TP63: variants seen among roughly 807,000 people sequenced by gnomAD.
The protein encoded by TP63 is tumor protein p63, also known as tumor protein 63.
TP63 carries 17 observed loss-of-function variants against 82.8 expected under a neutral mutation model. The observed-to-expected ratio is 0.21, with a 90% CI of 0.14 to 0.31. The LOEUF (loss-of-function observed/expected upper bound fraction) is 0.31, where lower values mean the gene tolerates loss of function less well. Ranked by LOEUF, TP63 falls within the 10% of genes least tolerant of loss-of-function variation. The pLI is 1.00. For synonymous variants in TP63, 330 were observed against 321.7 expected (o/e 1.03, Z -0.28); for missense variants, 648 against 895.3 (o/e 0.72, Z 3.52).
chr3:189,648,775 G>C (rs1190899445), intron 1 of TP63, among the ~76,000 whole-genome samples: 1 of 146,764 alleles, frequency 6.8e-6, no homozygotes, highest in Non-Finnish European at 1.5e-5. Context: ...TATCTTGTTT[G>C]CTCAAATCCC....
At chr3:189,872,083 A>T (rs535488612) in intron 9 of TP63, among the ~76,000 whole-genome samples, 1 of 152,310 alleles carries the variant, frequency 6.6e-6, no homozygotes, top group East Asian at 1.9e-4. Flanking sequence ...AGAGAAACAT[A>T]TTTTATCCCA....
At chr3:189,652,558 T>C (rs1443831571) in intron 1 of TP63, among the ~76,000 whole-genome samples, 2 of 147,064 alleles carry the variant, frequency 1.4e-5, no homozygotes, top group African/African-American at 5.1e-5. Context: ...TTTGGGTTAA[T>C]GCTAGAATGA....
rs753231377 is a variant in TP63 at position 189,659,962 on chromosome 3, A to G, written c.62+28385A>G. ...AGATTCTAGATACTAGACCATTGCC[A>G]TATATATAGTCTGTGAATATTTTCT... On this transcript the variant is annotated intron_variant, in intron 1 of 13. Coordinates refer to ENST00000264731, the MANE Select transcript of TP63 (RefSeq NM_003722.5). 2.0e-5 allele frequency among the ~76,000 whole-genome samples: 3 copies of G among 152,092 alleles called. No homozygotes were observed. In the South Asian group the frequency reaches 6.2e-4, roughly 32 times the overall value.
chr3:189,651,545 C>CAA (rs71173298), intron 1 of TP63, among the ~76,000 whole-genome samples: 1 of 118,448 alleles, frequency 8.4e-6, no homozygotes. Context: ...GATTCCATAT[C>CAA]AAAAAAAAAA....
In TP63 at chr3:189,645,134, G is replaced by A. The variant is rs538976939; in HGVS notation, c.62+13557G>A. 5.9e-5 allele frequency among the ~76,000 whole-genome samples: 9 copies of A among 152,230 alleles called. No homozygotes were observed. The South Asian group carries it at 1.9e-3, about 32-fold the overall frequency. ...GATTAGTTTCCACAAGTACTAAGTT[G>A]AATTTCCTTTTATTTGTCCTAAAAT... On this transcript the variant is annotated intron_variant, in intron 1 of 13. Transcript: ENST00000264731.
At chr3:189,810,536 C>T (rs1280358280) in intron 4 of TP63, among the ~76,000 whole-genome samples, 1 of 152,068 alleles carries the variant, frequency 6.6e-6, no homozygotes, top group Non-Finnish European at 1.5e-5. Flanking sequence ...TTATCCTTCC[C>T]TGTCCCTTCC....
At chr3:189,625,588 T>C in the TP63 span, among the ~76,000 whole-genome samples, 1 of 152,208 alleles carries the variant, frequency 6.6e-6, no homozygotes, top group African/African-American at 2.4e-5. Flanking sequence ...ATTTTTTAAT[T>C]TCAATAATTG....
Position 189,713,938 on chromosome 3 carries a change from C to T in TP63, c.63-23802C>T, listed in dbSNP as rs529237307. Among the ~76,000 whole-genome samples, 8 of 152,110 alleles carry T rather than the reference C, an allele frequency of 5.3e-5. No homozygotes were observed. In the South Asian group the frequency reaches 1.5e-3, roughly 28 times the overall value. On this transcript the variant is annotated intron_variant, in intron 1 of 13. Transcript: ENST00000264731. ...ATGATCAAGTGAAAAATTTTTTGTTCAGTATGGAAAGAGTGATTAAAACCT... is the reference window on the plus strand; with the variant it reads ...ATGATCAAGTGAAAAATTTTTTGTTTAGTATGGAAAGAGTGATTAAAACCT...
intron 4 of TP63, chr3:189,844,136 A>C (rs1315063928): frequency 3.0e-6 from 1 of 336,998 alleles, no homozygotes; most frequent in East Asian, 9.1e-5. Flanking sequence ...TAGGATGGAT[A>C]TATTAAAAGC....
intron 4 of TP63, among the ~76,000 whole-genome samples, chr3:189,851,926 G>A (rs1216550500): frequency 1.3e-5 from 2 of 152,150 alleles, no homozygotes; most frequent in Non-Finnish European, 2.9e-5. Context: ...GGGAGTATCT[G>A]GTGAGGAGGA....
chr3:189,855,195 T>C (rs1716134295), intron 4 of TP63, among the ~76,000 whole-genome samples: 2 of 152,050 alleles, frequency 1.3e-5, no homozygotes, highest in African/African-American at 2.4e-5. Flanking sequence ...AAAAATACAA[T>C]TGAAGAACAA....
chr3:189,692,356 CTTCT>C (rs1717000648), intron 1 of TP63, among the ~76,000 whole-genome samples: 1 of 151,454 alleles, frequency 6.6e-6, no homozygotes, highest in Admixed American at 6.6e-5. Flanking sequence ...CTTTTCATCC[CTTCT>C]TTATTTCTTT....
Position 189,867,861 on chromosome 3 carries a change from A to G in TP63, c.911A>G (p.Tyr304Cys). 6.2e-7 allele frequency: 1 copy of G among 1,614,116 alleles called. No homozygotes were observed. The highest frequency in any genetic ancestry group is 8.5e-7 in the Non-Finnish European group (1 of 1,179,972). The change falls in exon 7 of 14, where the codon TAC (tyrosine) becomes TGC (cysteine). Residue 304 changes from tyrosine to cysteine, a missense_variant. Around this residue, in one of 5 missense-constraint regions of TP63, gnomAD observed 30 missense variants for 85.4 expected, o/e 0.35. Transcript: ENST00000264731. ...QVGTEFTTVL[Y>C]NFMCNSSCVG... The stretch of plus-strand genomic sequence containing the variant: ...GGCACTGAATTCACGACAGTCTTGT[A>G]CAATTTCATGTGTAACAGCAGTTGT...
At position 189,639,813 on chromosome 3, in the gene TP63, T is replaced by C. The variant is rs13314271; in HGVS notation, c.62+8236T>C. ...TTTTTAAACAGATGTTGATTTATCA[T>C]GGGAATAAATAATAGAACATATACA... is the stretch of plus-strand genomic sequence containing the variant. On this transcript the variant is annotated intron_variant, in intron 1 of 13. Coordinates refer to ENST00000264731, the MANE Select transcript of TP63 (RefSeq NM_003722.5). 0.45 allele frequency among the ~76,000 whole-genome samples: 67,964 copies of C among 151,912 alleles called. 15,807 individuals carry two copies. Among genetic ancestry groups the C allele is most frequent in the East Asian group, 0.51 (2,610 of 5,154 alleles).
chr3:189,870,259 CT>C (rs1229209170), intron 9 of TP63, among the ~76,000 whole-genome samples: 1 of 152,158 alleles, frequency 6.6e-6, no homozygotes, highest in Non-Finnish European at 1.5e-5. Context: ...TCAGCCCTCC[CT>C]ATCTGCCTGT....
At chr3:189,748,094 A>G (rs1721513645) in intron 3 of TP63, among the ~76,000 whole-genome samples, 1 of 152,042 alleles carries the variant, frequency 6.6e-6, no homozygotes, top group African/African-American at 2.4e-5. Context: ...CTAACATCAC[A>G]CTGAATGGGG....
intron 11 of TP63, among the ~76,000 whole-genome samples, chr3:189,888,071 T>C (rs909201200): frequency 6.6e-6 from 1 of 152,128 alleles, no homozygotes; most frequent in Non-Finnish European, 1.5e-5. Context: ...TTGGCCAGAC[T>C]GGTCGCGAAC....
chr3:189,807,597 A>G (rs1727052204), intron 3 of TP63, among the ~76,000 whole-genome samples: 1 of 152,216 alleles, frequency 6.6e-6, no homozygotes, highest in Non-Finnish European at 1.5e-5. Flanking sequence ...TAAGAAAATG[A>G]AAGAACAAAT....
chr3:189,879,274 GA>G (rs1485747432), intron 10 of TP63, among the ~76,000 whole-genome samples: 3 of 152,138 alleles, frequency 2.0e-5, no homozygotes, highest in Admixed American at 2.0e-4. Context: ...GCCAATCTGG[GA>G]AACAATTTCC....
Sources: allele counts gnomAD v4.1 joint callset (sites outside exome capture counted in the v4.1 genomes callset), GRCh38; gene constraint gnomAD v4.1.1; regional missense constraint gnomAD v4.1.1; transcripts MANE v1.5; gene names NCBI Gene and HGNC (gene_info 2026-07-23, HGNC 2026-07-21).